Variants in OR10W1 observed in about 807,000 individuals in gnomAD.
The protein encoded by OR10W1 is olfactory receptor 10W1.
For synonymous variants in OR10W1, 152 were observed against 151.6 expected, an observed-to-expected ratio of 1.00 and a Z score of -0.02; for missense variants, 406 against 365.8, an observed-to-expected ratio of 1.11 and a Z score of -0.90.
Position 58,267,022 on chromosome 11 carries a change from A to C in OR10W1, c.837T>G (p.Leu279=). The change falls in exon 1 of 1, where the codon CTT becomes CTG. Residue 279 remains leucine, a synonymous_variant. Coordinates refer to ENST00000395079, the MANE Select transcript of OR10W1 (RefSeq NM_207374.3). ...YTLGTPLLNP[L]IYALRNSEMK... ...TCTCACTGTTCCTCAGGGCATAGAT[A>C]AGTGGGTTGAGCAGTGGGGTTCCCA... 2 of 1,613,288 alleles carry C rather than the reference A, an allele frequency of 1.2e-6. No homozygotes were observed. The highest frequency in any genetic ancestry group is 1.7e-6 in the Non-Finnish European group (2 of 1,179,570).
In OR10W1 at chr11:58,267,774, T is replaced by A; in HGVS notation, c.85A>T (p.Ile29Phe). The A allele has an allele frequency of 6.8e-6, 11 of 1,614,040 alleles. No individual in the cohort carries two copies. The highest frequency in any genetic ancestry group is 9.3e-6 in the Non-Finnish European group (11 of 1,179,962). The change falls in exon 1 of 1, where the codon ATC (isoleucine) becomes TTC (phenylalanine). Residue 29 changes from isoleucine to phenylalanine, a missense_variant. Coordinates refer to ENST00000395079, the MANE Select transcript of OR10W1 (RefSeq NM_207374.3). ...FLGVSLVYGL[I>F]ITGNILIVVS... The stretch of plus-strand genomic sequence containing the variant: ...ACAATGAGAATGTTCCCAGTGATGA[T>A]CAAACCATAAACCAGGCTGACCCCA...
In OR10W1 at chr11:58,267,646, A is replaced by G; in HGVS notation, c.213T>C (p.His71=). Reference sequence around the variant, plus strand: ...CTGACTGTAGGGTGTTGGCCAGGATATGGGGCACCACCACTGCAGTGTAGC... The same window carrying G: ...CTGACTGTAGGGTGTTGGCCAGGATGTGGGGCACCACCACTGCAGTGTAGC... ...EICYTAVVVP[H]ILANTLQSEK... is the part of the protein sequence containing the mutation. The change falls in exon 1 of 1, where the codon CAT becomes CAC. Residue 71 remains histidine, a synonymous_variant. Transcript: ENST00000395079. 1 of 1,614,078 alleles carries G rather than the reference A, an allele frequency of 6.2e-7. No homozygotes were observed. Among genetic ancestry groups the G allele is most frequent in the Non-Finnish European group, 8.5e-7 (1 of 1,179,974 alleles).
rs746940517 is a variant in OR10W1 at position 58,267,815 on chromosome 11, T to G, written c.44A>C (p.His15Pro). ...GCTGACCCCAAGGAAGGACAGAATA[T>G]GCAGTTCTGGGCAGGAGGGATAGGC... ...FLAYPSCPELHILSFLGVSLV... is the reference protein window; with the variant it reads ...FLAYPSCPELPILSFLGVSLV... Residue 15 changes from histidine to proline, a missense_variant, in exon 1 of 1, where the codon CAT becomes CCT. His to Pro is a moderately conservative substitution (Grantham distance 77). Transcript: ENST00000395079. 1 of 1,614,150 alleles carries G rather than the reference T, an allele frequency of 6.2e-7. No individual in the cohort carries two copies. The highest frequency in any genetic ancestry group is 8.5e-7 in the Non-Finnish European group (1 of 1,180,000).
Position 58,267,594 on chromosome 11 carries a change from C to G in OR10W1, c.265G>C (p.Ala89Pro). 1.2e-6 allele frequency: 2 copies of G among 1,614,166 alleles called. No individual in the cohort carries two copies. Among genetic ancestry groups the G allele is most frequent in the Non-Finnish European group, 1.7e-6 (2 of 1,180,036 alleles). Residue 89 changes from alanine to proline, a missense_variant, in exon 1 of 1, where the codon GCC becomes CCC. By Grantham distance (27) the Ala-to-Pro change is conservative (BLOSUM62 -1). Coordinates refer to ENST00000395079, the MANE Select transcript of OR10W1 (RefSeq NM_207374.3). ...SEKTITLLGC[A>P]TQMAFFIALG... ...GCAATGAAGAAAGCCATCTGGGTGG[C>G]ACAGCCCAGGAGAGTGATGGTCTTC...
In OR10W1 at chr11:58,266,946, T is replaced by A. The variant is rs757262944; in HGVS notation, c.913A>T (p.Ser305Cys). 1.3e-6 allele frequency: 2 copies of A among 1,537,360 alleles called. No homozygotes were observed. Among genetic ancestry groups the A allele is most frequent in the Non-Finnish European group, 1.8e-6 (2 of 1,139,484 alleles). ...VLTRNCLSQN[S>C] is the part of the protein sequence containing the mutation. ...AGGCTGTCCCCTCGTCTTTCCTAGC[T>A]GTTCTGGGAAAGGCAGTTCCTGGTA... Residue 305 changes from serine (S) to cysteine (C), a missense_variant, in exon 1 of 1, where the codon AGC becomes TGC. Coordinates refer to ENST00000395079, the MANE Select transcript of OR10W1 (RefSeq NM_207374.3).
rs1565121721 is a variant in OR10W1 at position 58,267,237 on chromosome 11, A to C, written c.622T>G (p.Ser208Ala). 3 of 1,614,038 alleles carry C rather than the reference A, an allele frequency of 1.9e-6. 1 individual carries two copies. In the Admixed American group the frequency reaches 5.0e-5, roughly 27 times the overall value. Residue 208 changes from serine to alanine, a missense_variant, in exon 1 of 1, where the codon TCC becomes GCC. Coordinates refer to ENST00000395079, the MANE Select transcript of OR10W1 (RefSeq NM_207374.3). ...AGAGCAGCCACTATGAAGGTGTAGGAGGTGGTGATGAGGAAGAAAGGCACA... is the reference window on the plus strand; with the variant it reads ...AGAGCAGCCACTATGAAGGTGTAGGCGGTGGTGATGAGGAAGAAAGGCACA... ...IAVPFFLITT[S>A]YTFIVAALLK...
rs1853555713 is a variant in OR10W1 at position 58,267,301 on chromosome 11, A to C, written c.558T>G (p.His186Gln). ...TGGCTGCCACCAGCACTGACTGCTC[A>C]TGAATGTGACTCTGAGCACAAACAA... ...MHVVCAQSHI[H>Q]EQSVLVAAIL... is the part of the protein sequence containing the mutation. The change falls in exon 1 of 1, where the codon CAT becomes CAG. Residue 186 changes from histidine (H) to glutamine (Q), a missense_variant. His to Gln is a conservative substitution (Grantham distance 24, BLOSUM62 0). Transcript: ENST00000395079. The C allele has an allele frequency of 6.2e-7, 1 of 1,614,164 alleles. No homozygotes were observed. Among genetic ancestry groups the C allele is most frequent in the Non-Finnish European group, 8.5e-7 (1 of 1,180,008 alleles).
At position 58,266,846 on chromosome 11, in the gene OR10W1, T is replaced by C; in HGVS notation, c.*95A>G. 1 of 947,416 alleles carries C rather than the reference T, an allele frequency of 1.1e-6. No individual in the cohort carries two copies. Among genetic ancestry groups the C allele is most frequent in the Non-Finnish European group, 1.6e-6 (1 of 629,386 alleles). The allele number at this position is 947,416 out of a possible 1,614,324, so 58.7% of individuals were successfully genotyped here. A position where few individuals can be genotyped will look rare whatever the true frequency, so the allele number is the denominator to read the frequency against. ...CATATAATTTATACCATCTTTTAGATGAGTTTTAACACCAAATGATAGAAA... is the reference window on the plus strand; with the variant it reads ...CATATAATTTATACCATCTTTTAGACGAGTTTTAACACCAAATGATAGAAA... On this transcript the variant is annotated 3_prime_UTR_variant, in exon 1 of 1. Coordinates refer to ENST00000395079, the MANE Select transcript of OR10W1 (RefSeq NM_207374.3).
Position 58,267,882 on chromosome 11 carries a change from T to C in OR10W1, c.-24A>G, listed in dbSNP as rs1853564918. Reference sequence around the variant, plus strand: ...ATCAACACTGAGTGATTTTCCCAGGTAATTGAGCTAACAGTATTTCTCTGT... The same window carrying C: ...ATCAACACTGAGTGATTTTCCCAGGCAATTGAGCTAACAGTATTTCTCTGT... On this transcript the variant is annotated 5_prime_UTR_variant, in exon 1 of 1. Coordinates refer to ENST00000395079, the MANE Select transcript of OR10W1 (RefSeq NM_207374.3). The C allele has an allele frequency of 1.3e-6, 2 of 1,554,500 alleles. No individual in the cohort carries two copies. Among genetic ancestry groups the C allele is most frequent in the Non-Finnish European group, 8.8e-7 (1 of 1,130,738 alleles).
rs771582708 is a variant in OR10W1 at position 58,267,258 on chromosome 11, G to A, written c.601C>T (p.Pro201Ser). Residue 201 changes from proline to serine, a missense_variant, in exon 1 of 1, where the codon CCT (proline) becomes TCT (serine). Pro to Ser is a moderately conservative substitution (Grantham distance 74). Coordinates refer to ENST00000395079, the MANE Select transcript of OR10W1 (RefSeq NM_207374.3). The part of the protein sequence containing the change: ...LVAAILAIAV[P>S]FFLITTSYTF... ...TAGGAGGTGGTGATGAGGAAGAAAG[G>A]CACAGCAATGGCTAGTATGGCTGCC... The A allele has an allele frequency of 6.2e-6, 10 of 1,614,170 alleles. No individual in the cohort carries two copies. Among genetic ancestry groups the A allele is most frequent in the Non-Finnish European group, 8.5e-6 (10 of 1,180,024 alleles).
chr11:58,267,414 G>A lies in OR10W1; in HGVS notation c.445C>T (p.Gln149Ter). ...SVISGLFLSL[Q>*]LVAFIFSLPF... ...AGAGAGAAGATGAAGGCCACCAGTT[G>A]TAAGGACAGGAACAGACCACTGATG... is the stretch of plus-strand genomic sequence containing the variant. The change falls in exon 1 of 1, where the codon CAA becomes TAA. Residue 149 changes from glutamine to a stop codon, truncating the protein, a stop_gained. Coordinates refer to ENST00000395079, the MANE Select transcript of OR10W1 (RefSeq NM_207374.3). LOFTEE classifies it low-confidence loss of function (END_TRUNC). 1 of 1,613,730 alleles carries A rather than the reference G, an allele frequency of 6.2e-7. No homozygotes were observed. Among genetic ancestry groups the A allele is most frequent in the South Asian group, 1.1e-5 (1 of 91,010 alleles).
Position 58,267,612 on chromosome 11 carries a change from T to A in OR10W1, c.247A>T (p.Ile83Phe), listed in dbSNP as rs770959107. The change falls in exon 1 of 1, where the codon ATC (isoleucine) becomes TTC (phenylalanine). Residue 83 changes from isoleucine to phenylalanine, a missense_variant. Coordinates refer to ENST00000395079, the MANE Select transcript of OR10W1 (RefSeq NM_207374.3). ...LANTLQSEKT[I>F]TLLGCATQMA... is the part of the protein sequence containing the mutation. ...TGGGTGGCACAGCCCAGGAGAGTGATGGTCTTCTCTGACTGTAGGGTGTTG... is the reference window on the plus strand; with the variant it reads ...TGGGTGGCACAGCCCAGGAGAGTGAAGGTCTTCTCTGACTGTAGGGTGTTG... 1 of 1,614,156 alleles carries A rather than the reference T, an allele frequency of 6.2e-7. No homozygotes were observed. Among genetic ancestry groups the A allele is most frequent in the South Asian group, 1.1e-5 (1 of 91,086 alleles).
At position 58,267,945 on chromosome 11, in the gene OR10W1, G is replaced by T; in HGVS notation, c.-87C>A. On this transcript the variant is annotated 5_prime_UTR_variant, in exon 1 of 1. Transcript: ENST00000395079. Reference sequence around the variant, plus strand: ...GTACAGAAGGAAGAATCAGACTGAAGATAAATTAAGTTACACTCTGAGCCA... The same window carrying T: ...GTACAGAAGGAAGAATCAGACTGAATATAAATTAAGTTACACTCTGAGCCA... 2 of 955,762 alleles carry T rather than the reference G, an allele frequency of 2.1e-6. No individual in the cohort carries two copies. Among genetic ancestry groups the T allele is most frequent in the Non-Finnish European group, 3.2e-6 (2 of 622,830 alleles). The allele number at this position is 955,762 out of a possible 1,614,324, so 59.2% of individuals were successfully genotyped here. A position where few individuals can be genotyped will look rare whatever the true frequency, so the allele number is the denominator to read the frequency against.
In OR10W1 at chr11:58,267,231, T is replaced by G. The variant is rs758260370; in HGVS notation, c.628A>C (p.Thr210Pro). The change falls in exon 1 of 1, where the codon ACC (threonine) becomes CCC (proline). Residue 210 changes from threonine (T) to proline (P), a missense_variant. Transcript: ENST00000395079. ...VPFFLITTSY[T>P]FIVAALLKIH... is the part of the protein sequence containing the mutation. ...TTGAGCAGAGCAGCCACTATGAAGG[T>G]GTAGGAGGTGGTGATGAGGAAGAAA... 1.2e-6 allele frequency: 2 copies of G among 1,613,844 alleles called. No homozygotes were observed. The highest frequency in any genetic ancestry group is 1.1e-5 in the South Asian group (1 of 91,074).
In OR10W1 at chr11:58,267,630, G is replaced by T. The variant is rs140685832; in HGVS notation, c.229C>A (p.Leu77Ile). ...VVVPHILANT[L>I]QSEKTITLLG... ...AGAGTGATGGTCTTCTCTGACTGTA[G>T]GGTGTTGGCCAGGATATGGGGCACC... The change falls in exon 1 of 1, where the codon CTA becomes ATA. Residue 77 changes from leucine (L) to isoleucine (I), a missense_variant. Physicochemically the swap from Leu to Ile is conservative, Grantham distance 5. Coordinates refer to ENST00000395079, the MANE Select transcript of OR10W1 (RefSeq NM_207374.3). 6.2e-7 allele frequency: 1 copy of T among 1,614,024 alleles called. No individual in the cohort carries two copies. The highest frequency in any genetic ancestry group is 8.5e-7 in the Non-Finnish European group (1 of 1,180,024).
In OR10W1 at chr11:58,267,905, T is replaced by G; in HGVS notation, c.-47A>C. On this transcript the variant is annotated 5_prime_UTR_variant, in exon 1 of 1. Transcript: ENST00000395079. ...GGTAATTGAGCTAACAGTATTTCTC[T>G]GTGGAGAGCTACAAGTACAGAAGGA... is the stretch of plus-strand genomic sequence containing the variant. 5.9e-6 allele frequency: 8 copies of G among 1,345,872 alleles called. No homozygotes were observed. The highest frequency in any genetic ancestry group is 1.4e-5 in the African/African-American group (1 of 69,892). 83.4% of individuals were successfully genotyped at this position (1,345,872 alleles called of 1,614,324 possible).
At position 58,267,621 on chromosome 11, in the gene OR10W1, C is replaced by G. The variant is rs1249081296; in HGVS notation, c.238G>C (p.Glu80Gln). Residue 80 changes from glutamate (E) to glutamine (Q), a missense_variant, in exon 1 of 1, where the codon GAG becomes CAG. Glu to Gln is a conservative substitution (Grantham distance 29). Coordinates refer to ENST00000395079, the MANE Select transcript of OR10W1 (RefSeq NM_207374.3). ...PHILANTLQS[E>Q]KTITLLGCAT... ...CAGCCCAGGAGAGTGATGGTCTTCTCTGACTGTAGGGTGTTGGCCAGGATA... is the reference window on the plus strand; with the variant it reads ...CAGCCCAGGAGAGTGATGGTCTTCTGTGACTGTAGGGTGTTGGCCAGGATA... The G allele has an allele frequency of 6.2e-7, 1 of 1,614,192 alleles. No individual in the cohort carries two copies. The highest frequency in any genetic ancestry group is 8.5e-7 in the Non-Finnish European group (1 of 1,180,036).
At position 58,267,406 on chromosome 11, in the gene OR10W1, C is replaced by G. The variant is rs1386321159; in HGVS notation, c.453G>C (p.Val151=). The part of the protein sequence containing the change: ...ISGLFLSLQL[V]AFIFSLPFCQ... Reference sequence around the variant, plus strand: ...AGAATGGCAGAGAGAAGATGAAGGCCACCAGTTGTAAGGACAGGAACAGAC... The same window carrying G: ...AGAATGGCAGAGAGAAGATGAAGGCGACCAGTTGTAAGGACAGGAACAGAC... Residue 151 remains valine, a synonymous_variant, in exon 1 of 1, where the codon GTG becomes GTC. Coordinates refer to ENST00000395079, the MANE Select transcript of OR10W1 (RefSeq NM_207374.3). 6.2e-7 allele frequency: 1 copy of G among 1,613,642 alleles called. No homozygotes were observed. The highest frequency in any genetic ancestry group is 1.7e-5 in the Admixed American group (1 of 59,910).
rs750671896 is a variant in OR10W1, at chr11:58,267,896, G to A, written c.-38C>T. ...ATTTTCCCAGGTAATTGAGCTAACA[G>A]TATTTCTCTGTGGAGAGCTACAAGT... On this transcript the variant is annotated 5_prime_UTR_variant, in exon 1 of 1. Transcript: ENST00000395079. The A allele has an allele frequency of 1.6e-5, 23 of 1,453,444 alleles. No individual in the cohort carries two copies. Among genetic ancestry groups the A allele is most frequent in the Middle Eastern group, 1.8e-4 (1 of 5,674 alleles). 90.0% of individuals were successfully genotyped at this position (1,453,444 alleles called of 1,614,324 possible).
Sources: gnomAD v4.1 joint callset for allele counts on GRCh38, gnomAD v4.1.1 for gene constraint, MANE v1.5 for transcripts, NCBI Gene and HGNC (gene_info 2026-07-23, HGNC 2026-07-21) for gene names.